PLPPR1: variants seen among roughly 807,000 people sequenced by gnomAD.
PLPPR1 encodes the protein phospholipid phosphatase-related protein type 1.
PLPPR1 carries 10 observed loss-of-function variants against 33.1 expected under a neutral mutation model. That is an observed-to-expected ratio of 0.30 (90% CI 0.19 to 0.51). PLPPR1 has a LOEUF of 0.51. Among genes scored for constraint, PLPPR1 ranks in the 20% least tolerant of loss-of-function variants. PLPPR1 has a pLI of 0.97. For synonymous variants in PLPPR1, 151 were observed against 151.0 expected (o/e 1.00, Z 0.00); for missense variants, 304 against 408.1 (o/e 0.74, Z 2.20).
At chr9:101,291,000 G>A (rs1042302621) in intron 4 of PLPPR1, among the ~76,000 whole-genome samples, 3 of 152,248 alleles carry the variant, frequency 2.0e-5, no homozygotes, top group African/African-American at 4.8e-5. Flanking sequence ...CACTCGGGAA[G>A]TGCAAGGGGT....
chr9:101,248,703 A>T (rs912011535), intron 2 of PLPPR1, among the ~76,000 whole-genome samples: 2 of 152,070 alleles, frequency 1.3e-5, no homozygotes, highest in Admixed American at 6.6e-5. Flanking sequence ...TCTCTAATTC[A>T]AATCTCTAAG....
intron 2 of PLPPR1, among the ~76,000 whole-genome samples, chr9:101,238,136 TAC>T (rs1827357386): frequency 7.2e-6 from 1 of 138,452 alleles, no homozygotes; most frequent in African/African-American, 2.6e-5. Context: ...TATATACATA[TAC>T]ACACATATAT....
intron 1 of PLPPR1, among the ~76,000 whole-genome samples, chr9:101,182,811 G>A (rs905062415): frequency 3.3e-5 from 5 of 151,060 alleles, no homozygotes; most frequent in Non-Finnish European, 5.9e-5. Flanking sequence ...ATAATAAGAC[G>A]AACAACCCAA....
chr9:101,192,770 T>G (rs2915419), intron 2 of PLPPR1, among the ~76,000 whole-genome samples: 25 of 152,180 alleles, frequency 1.6e-4, no homozygotes, highest in Non-Finnish European at 1.8e-4. Flanking sequence ...TTGAATATTT[T>G]TATAATATAT....
intron 1 of PLPPR1, among the ~76,000 whole-genome samples, chr9:101,041,989 G>A (rs752977755): frequency 7.2e-5 from 11 of 152,104 alleles, no homozygotes; most frequent in Admixed American, 3.3e-4. Flanking sequence ...TTTTATGAGC[G>A]TCATCAGGGA....
In PLPPR1 at chr9:101,324,154, T is replaced by C; in HGVS notation, c.*97T>C. 9.7e-7 allele frequency: 1 copy of C among 1,031,110 alleles called. No homozygotes were observed. Among genetic ancestry groups the C allele is most frequent in the Non-Finnish European group, 1.5e-6 (1 of 673,088 alleles). The allele number at this position is 1,031,110 out of a possible 1,614,324, so 63.9% of individuals were successfully genotyped here. A position where few individuals can be genotyped will look rare whatever the true frequency, so the allele number is the denominator to read the frequency against. On this transcript the variant is annotated 3_prime_UTR_variant, in exon 8 of 8. Transcript: ENST00000374874. The stretch of plus-strand genomic sequence containing the variant: ...CAATGTCAAACTGTGATGACAAATA[T>C]TACGTTTATCTAGTTAGAAGCTAAT...
At chr9:101,050,124 G>GAAAAAA (rs35688096) in intron 1 of PLPPR1, among the ~76,000 whole-genome samples, 11 of 35,170 alleles carry the variant, frequency 3.1e-4, no homozygotes, top group Non-Finnish European at 5.3e-4. Context: ...CTCCAACTCA[G>GAAAAAA]AAAAAAAAAA....
At chr9:101,117,153 A>T (rs1462541593) in intron 1 of PLPPR1, among the ~76,000 whole-genome samples, 9 of 152,148 alleles carry the variant, frequency 5.9e-5, no homozygotes. Context: ...TCATGTATAG[A>T]GGCTGGGTAA....
intron 1 of PLPPR1, among the ~76,000 whole-genome samples, chr9:101,068,495 C>A (rs994955724): frequency 6.6e-6 from 1 of 151,858 alleles, no homozygotes; most frequent in African/African-American, 2.4e-5. Flanking sequence ...GTCTTGCTAA[C>A]CAGGCCTGGT....
At chr9:101,141,985 C>A (rs1831456846) in intron 1 of PLPPR1, among the ~76,000 whole-genome samples, 1 of 152,126 alleles carries the variant, frequency 6.6e-6, no homozygotes, top group Admixed American at 6.6e-5. Context: ...ATTCTTGGGC[C>A]CAATTGGTTC....
intron 7 of PLPPR1, among the ~76,000 whole-genome samples, chr9:101,321,491 A>G (rs967535895): frequency 3.3e-5 from 5 of 152,208 alleles, no homozygotes; most frequent in Non-Finnish European, 5.9e-5. Context: ...CAAGTTTTTC[A>G]AAGCATTATT....
intron 3 of PLPPR1, among the ~76,000 whole-genome samples, chr9:101,272,125 AT>A (rs71356342): frequency 6.6e-6 from 1 of 152,204 alleles, no homozygotes; most frequent in African/African-American, 2.4e-5. Context: ...TCTCAATAAA[AT>A]TGAAAACTCT....
chr9:101,124,046 T>A (rs532462001), intron 1 of PLPPR1, among the ~76,000 whole-genome samples: 2 of 152,274 alleles, frequency 1.3e-5, no homozygotes, highest in South Asian at 4.1e-4. Context: ...ACAGAAGGTA[T>A]TATTATTACT....
At chr9:101,206,182 G>T (rs10989426) in intron 2 of PLPPR1, among the ~76,000 whole-genome samples, 18,653 of 152,134 alleles carry the variant, frequency 0.12, 1,383 homozygotes, top group East Asian at 0.28. Context: ...TAATGATTTC[G>T]GGAGGCATTT....
intron 1 of PLPPR1, among the ~76,000 whole-genome samples, chr9:101,148,774 A>C (rs1327075769): frequency 4.0e-5 from 6 of 151,840 alleles, no homozygotes; most frequent in African/African-American, 1.5e-4. Context: ...GACTCATCCC[A>C]CCTTACCTTC....
At chr9:101,311,803 C>T (rs1465628025) in intron 5 of PLPPR1, among the ~76,000 whole-genome samples, 1 of 152,134 alleles carries the variant, frequency 6.6e-6, no homozygotes, top group Non-Finnish European at 1.5e-5. Context: ...TAAGTATCAG[C>T]ATATTATTTT....
intron 1 of PLPPR1, among the ~76,000 whole-genome samples, chr9:101,029,868 T>G (rs557262632): frequency 2.6e-5 from 4 of 152,224 alleles, no homozygotes; most frequent in Admixed American, 6.5e-5. Context: ...GGGCTGCTGC[T>G]GCGGCGGCGG....
chr9:101,301,137 C>T (rs1243887656), intron 4 of PLPPR1, among the ~76,000 whole-genome samples: 3 of 152,178 alleles, frequency 2.0e-5, no homozygotes, highest in African/African-American at 7.2e-5. Flanking sequence ...AATTATCCTT[C>T]ATCTTCACTT....
Position 101,284,963 on chromosome 9 carries a change from C to T in PLPPR1, c.253-1141C>T, listed in dbSNP as rs568952800. 1.6e-4 allele frequency among the ~76,000 whole-genome samples: 24 copies of T among 152,214 alleles called. No homozygotes were observed. In the South Asian group the frequency reaches 3.5e-3, roughly 22 times the overall value. ...AGTGTGGACTTTGGAATCCAATTGA[C>T]GTGTATACTAATTCCTGTGCCCCAT... is the stretch of plus-strand genomic sequence containing the variant. On this transcript the variant is annotated intron_variant, in intron 3 of 7. Transcript: ENST00000374874.
Sources: gnomAD v4.1 joint callset for allele counts (sites outside exome capture counted in the v4.1 genomes callset) on GRCh38, gnomAD v4.1.1 for gene constraint, MANE v1.5 for transcripts, NCBI Gene and HGNC (gene_info 2026-07-23, HGNC 2026-07-21) for gene names.